SLC4A4: variants seen among roughly 807,000 people sequenced by gnomAD.
SLC4A4 encodes the protein solute carrier family 4 member 4, also known as electrogenic sodium bicarbonate cotransporter 1.
A neutral mutation model predicts 111.5 loss-of-function variants in SLC4A4; 27 were observed. The ratio of observed to expected loss-of-function variants is 0.24; its 90% CI spans 0.18 to 0.33. The LOEUF (loss-of-function observed/expected upper bound fraction) is 0.33. SLC4A4 is among the 10% of genes least tolerant of loss of function. The probability of loss-of-function intolerance (pLI) is 1.00; values close to 1 mark genes in which losing one functional copy is unlikely to be tolerated. For synonymous variants in SLC4A4, 443 were observed against 463.4 expected (o/e 0.96, Z 0.57); for missense variants, 909 against 1,315.5 (o/e 0.69, Z 4.78).
At chr4:71,448,347 G>T (rs1304384382) in intron 9 of SLC4A4, among the ~76,000 whole-genome samples, 1 of 149,890 alleles carries the variant, frequency 6.7e-6, no homozygotes. Context: ...AAGGTTCAAG[G>T]TCATTGTATT....
intron 5 of SLC4A4, among the ~76,000 whole-genome samples, chr4:71,355,909 T>A (rs1410085293): frequency 6.6e-6 from 1 of 152,214 alleles, no homozygotes; most frequent in East Asian, 1.9e-4. Context: ...TTTGCCCAAG[T>A]GGAAAATATC....
In SLC4A4 at chr4:71,255,293, A is replaced by G. The variant is rs780849940; in HGVS notation, c.147A>G (p.Thr49=). Reference sequence around the variant, plus strand: ...GAAGGAGACGTCACAAGAGAAAGACAGGGCACAAAGAAAAGAAGGAAAAGG... The same window carrying G: ...GAAGGAGACGTCACAAGAGAAAGACGGGGCACAAAGAAAAGAAGGAAAAGG... ...YRRRRRHKRK[T]GHKEKKEKER... The change falls in exon 3 of 26, where the codon ACA becomes ACG. Residue 49 remains threonine, a synonymous_variant. Coordinates refer to ENST00000264485, the MANE Select transcript of SLC4A4 (RefSeq NM_001098484.3). 50 of 1,613,406 alleles carry G rather than the reference A, an allele frequency of 3.1e-5. No individual in the cohort carries two copies. Among genetic ancestry groups the G allele is most frequent in the Non-Finnish European group, 4.2e-5 (49 of 1,179,572 alleles).
intron 1 of SLC4A4, among the ~76,000 whole-genome samples, chr4:71,235,656 T>C (rs905633350): frequency 3.3e-5 from 5 of 152,246 alleles, no homozygotes; most frequent in African/African-American, 1.2e-4. Flanking sequence ...AAATAAACCT[T>C]AACTCATTCT....
At chr4:71,531,097 CT>C in intron 16 of SLC4A4, among the ~76,000 whole-genome samples, 1 of 152,114 alleles carries the variant, frequency 6.6e-6, no homozygotes, top group East Asian at 1.9e-4. Flanking sequence ...AAATTATGTG[CT>C]AACATGTGTA....
At chr4:71,373,455 G>A (rs1281552212) in intron 6 of SLC4A4, among the ~76,000 whole-genome samples, 1 of 152,180 alleles carries the variant, frequency 6.6e-6, no homozygotes, top group Non-Finnish European at 1.5e-5. Flanking sequence ...AGTAAGAGCA[G>A]GGTGAGACAT....
intron 2 of SLC4A4, among the ~76,000 whole-genome samples, chr4:71,148,603 G>A (rs1744241470): frequency 6.6e-6 from 1 of 152,046 alleles, no homozygotes; most frequent in Non-Finnish European, 1.5e-5. Flanking sequence ...TTGCATTCAT[G>A]TGTTCTCATC....
intron 14 of SLC4A4, among the ~76,000 whole-genome samples, chr4:71,485,975 G>A (rs1013094967): frequency 9.3e-5 from 14 of 151,270 alleles, no homozygotes; most frequent in Non-Finnish European, 1.5e-5. Flanking sequence ...CTTCTTAAAG[G>A]TTTATATAGG....
intron 2 of SLC4A4, among the ~76,000 whole-genome samples, chr4:71,120,121 C>T (rs926546424): frequency 9.2e-5 from 14 of 152,030 alleles, no homozygotes; most frequent in Admixed American, 4.6e-4. Context: ...TCTACTGTTT[C>T]CCTCTCATGG....
At chr4:71,363,798 A>G (rs1033548229) in intron 6 of SLC4A4, among the ~76,000 whole-genome samples, 6 of 152,040 alleles carry the variant, frequency 3.9e-5, no homozygotes, top group African/African-American at 1.4e-4. Flanking sequence ...CCTGACCAGA[A>G]CCCAAATAAC....
chr4:71,395,143 T>G (rs938054556), intron 6 of SLC4A4, among the ~76,000 whole-genome samples: 2 of 152,162 alleles, frequency 1.3e-5, no homozygotes, highest in African/African-American at 4.8e-5. Flanking sequence ...GTACAGGTGA[T>G]GTGGATATTG....
At chr4:71,474,815 A>G (rs554350235) in intron 14 of SLC4A4, among the ~76,000 whole-genome samples, 2 of 152,032 alleles carry the variant, frequency 1.3e-5, no homozygotes, top group African/African-American at 2.4e-5. Context: ...CTGATTTGAA[A>G]TATTTGATAA....
At chr4:71,529,217 G>A (rs984299750) in intron 16 of SLC4A4, among the ~76,000 whole-genome samples, 1 of 151,950 alleles carries the variant, frequency 6.6e-6, no homozygotes, top group Non-Finnish European at 1.5e-5. Flanking sequence ...ATTTTGAGGG[G>A]GTGTTGGGGT....
At chr4:71,286,928 T>A (rs1190424078) in intron 3 of SLC4A4, among the ~76,000 whole-genome samples, 1 of 152,222 alleles carries the variant, frequency 6.6e-6, no homozygotes, top group Admixed American at 6.5e-5. Context: ...TGAGTTTTTT[T>A]TTTTTAACTT....
chr4:71,552,459 T>C (rs117120500), intron 20 of SLC4A4, among the ~76,000 whole-genome samples: 1 of 151,848 alleles, frequency 6.6e-6, no homozygotes, highest in African/African-American at 2.4e-5. Context: ...AACTACACTC[T>C]ACCCTTATTT....
At chr4:71,180,542 G>C (rs1745255216) in intron 2 of SLC4A4, among the ~76,000 whole-genome samples, 1 of 152,054 alleles carries the variant, frequency 6.6e-6, no homozygotes, top group South Asian at 2.1e-4. Flanking sequence ...GTGGGCAAAG[G>C]ATATGAACAG....
chr4:71,308,958 C>T (rs1290976074), intron 3 of SLC4A4, among the ~76,000 whole-genome samples: 2 of 152,180 alleles, frequency 1.3e-5, no homozygotes, highest in East Asian at 1.9e-4. Context: ...CCCACAGAGC[C>T]CAGCAAGCTA....
At chr4:71,453,754 T>C (rs1480490663) in intron 12 of SLC4A4, 85 bp downstream of exon 12, 8 of 1,226,416 alleles carry the variant, frequency 6.5e-6, no homozygotes, top group Non-Finnish European at 9.6e-6. Flanking sequence ...GCAGATGGCC[T>C]TTCAGTTACT....
At chr4:71,326,014 T>G (rs536884016) in intron 3 of SLC4A4, among the ~76,000 whole-genome samples, 10 of 151,960 alleles carry the variant, frequency 6.6e-5, no homozygotes, top group Non-Finnish European at 1.5e-4. Context: ...TTTAAGTGTG[T>G]TTTTAGAGTG....
intron 2 of SLC4A4, among the ~76,000 whole-genome samples, chr4:71,243,989 G>A (rs1204925965): frequency 1.3e-5 from 2 of 152,168 alleles, no homozygotes; most frequent in Non-Finnish European, 1.5e-5. Flanking sequence ...AGTAACATTG[G>A]CCAGTATATC....
Sources: gnomAD v4.1 joint callset for allele counts (sites outside exome capture counted in the v4.1 genomes callset) on GRCh38, gnomAD v4.1.1 for gene constraint, MANE v1.5 for transcripts, NCBI Gene and HGNC (gene_info 2026-07-23, HGNC 2026-07-21) for gene names.